The following ERCC6 variants were observed in gnomAD, a reference collection of about 807,000 sequenced individuals.
The protein encoded by ERCC6 is ERCC excision repair 6, chromatin remodeling factor, also known as DNA excision repair protein ERCC-6.
In ERCC6, 116 loss-of-function variants were observed where a neutral mutation model predicts 158.7. That is an observed-to-expected ratio of 0.73 (90% CI 0.63 to 0.85). The LOEUF (loss-of-function observed/expected upper bound fraction) is 0.85. ERCC6 is among the 40% of genes least tolerant of loss of function. The pLI is 0.00. For synonymous variants in ERCC6, 678 were observed against 659.3 expected (o/e 1.03, Z -0.43); for missense variants, 1,698 against 1,799.4 (o/e 0.94, Z 1.02).
At position 49,511,370 on chromosome 10, in the gene ERCC6, T is replaced by C. The variant is rs1396835143; in HGVS notation, c.1398-5358A>G. 5.9e-5 allele frequency among the ~76,000 whole-genome samples: 9 copies of C among 152,152 alleles called. No individual in the cohort carries two copies. In the East Asian group the frequency reaches 1.2e-3, roughly 20 times the overall value. ...TTCATTTTTTTCTTTAATCTATACA[T>C]GTAAAAGTCACAGCTGCACCCAAAT... is the stretch of plus-strand genomic sequence containing the variant. On this transcript the variant is annotated intron_variant, in intron 5 of 20. Transcript: ENST00000355832.
At position 49,454,830 on chromosome 10, in the gene ERCC6, A is replaced by T. The variant is rs1742301698; in HGVS notation, c.*3985T>A. 6.6e-6 allele frequency among the ~76,000 whole-genome samples: 1 copy of T among 152,214 alleles called. No homozygotes were observed. The highest frequency in any genetic ancestry group is 2.1e-4 in the South Asian group (1 of 4,834). ...GATAAAAACAGTGGGTTACTAAGCA[A>T]AGTTAGATAAATGGACCAATTTAAC... On this transcript the variant is annotated 3_prime_UTR_variant, in exon 21 of 21. Coordinates refer to ENST00000355832, the MANE Select transcript of ERCC6 (RefSeq NM_000124.4).
In ERCC6 at chr10:49,474,023, T is replaced by C; in HGVS notation, c.2598+4A>G. On this transcript the variant is annotated splice_donor_region_variant and intron_variant, in intron 13 of 20. Coordinates refer to ENST00000355832, the MANE Select transcript of ERCC6 (RefSeq NM_000124.4). ...TGTTTCCCGTCTGAAGTCTGTGCAC[T>C]CACCTGCCTTGACTGAGAAAACAGC... The C allele has an allele frequency of 6.2e-7, 1 of 1,613,586 alleles. No homozygotes were observed. The highest frequency in any genetic ancestry group is 8.5e-7 in the Non-Finnish European group (1 of 1,179,724).
Position 49,458,473 on chromosome 10 carries a change from G to C in ERCC6, c.*342C>G. 3.6e-6 allele frequency: 1 copy of C among 280,758 alleles called. No individual in the cohort carries two copies. Among genetic ancestry groups the C allele is most frequent in the South Asian group, 4.3e-5 (1 of 23,320 alleles). The allele number at this position is 280,758 out of a possible 1,614,324, so 17.4% of individuals were successfully genotyped here. On this transcript the variant is annotated 3_prime_UTR_variant, in exon 21 of 21. Coordinates refer to ENST00000355832, the MANE Select transcript of ERCC6 (RefSeq NM_000124.4). Reference sequence around the variant, plus strand: ...AATAAAAAAAAATATTGAGATTTCTGTTCTGCAAACTTCTAACTGTGCTCC... The same window carrying C: ...AATAAAAAAAAATATTGAGATTTCTCTTCTGCAAACTTCTAACTGTGCTCC...
At chr10:49,450,649 TTTA>T (rs1222669387), downstream of ERCC6, among the ~76,000 whole-genome samples, 1 of 152,008 alleles carries the variant, frequency 6.6e-6, no homozygotes, top group Non-Finnish European at 1.5e-5. Context: ...TGTTTTTCCA[TTTA>T]TTTAGGTCTT....
At chr10:49,511,384 C>A (rs1836813430) in intron 5 of ERCC6, among the ~76,000 whole-genome samples, 1 of 151,532 alleles carries the variant, frequency 6.6e-6, no homozygotes, top group South Asian at 2.1e-4. Context: ...AAAGTCACAG[C>A]TGCACCCAAA....
downstream of ERCC6, among the ~76,000 whole-genome samples, chr10:49,452,578 G>T (rs946391846): frequency 2.0e-5 from 3 of 152,076 alleles, no homozygotes; most frequent in African/African-American, 7.2e-5. Context: ...GTGTTCTATA[G>T]ATGTCTGTTA....
chr10:49,524,225 T>C lies in ERCC6; in HGVS notation c.1205A>G (p.Tyr402Cys), dbSNP rs1366779161. ...EADLSGDGTD[Y>C]ELKPLPKGGK... ...GCCCTTGGGCAGAGGCTTCAGCTCATAGTCAGTACCATCTCCAGACAGGTC... is the reference window on the plus strand; with the variant it reads ...GCCCTTGGGCAGAGGCTTCAGCTCACAGTCAGTACCATCTCCAGACAGGTC... Residue 402 changes from tyrosine to cysteine, a missense_variant, in exon 5 of 21, where the codon TAT (tyrosine) becomes TGT (cysteine). Physicochemically the swap from Tyr to Cys is radical, Grantham distance 194. Transcript: ENST00000355832. The C allele has an allele frequency of 4.3e-6, 7 of 1,614,050 alleles. No individual in the cohort carries two copies. The highest frequency in any genetic ancestry group is 5.9e-6 in the Non-Finnish European group (7 of 1,180,024).
At chr10:49,529,263 G>A (rs1837413662) in intron 3 of ERCC6, among the ~76,000 whole-genome samples, 2 of 152,202 alleles carry the variant, frequency 1.3e-5, no homozygotes, top group African/African-American at 4.8e-5. Flanking sequence ...GAACATAAAT[G>A]CCACACTGCA....
rs1014058879 is a variant in ERCC6 at position 49,460,466 on chromosome 10, G to C, written c.3984-15C>G. On this transcript the variant is annotated splice_polypyrimidine_tract_variant and intron_variant, in intron 19 of 20. Transcript: ENST00000355832. Reference sequence around the variant, plus strand: ...CAAATCTACTCCTAAAAAAGGAAAAGCATCACAGTAGATTAAATGTTTGCT... The same window carrying C: ...CAAATCTACTCCTAAAAAAGGAAAACCATCACAGTAGATTAAATGTTTGCT... The C allele has an allele frequency of 5.2e-6, 8 of 1,551,882 alleles. No individual in the cohort carries two copies. In the Admixed American group the frequency reaches 1.0e-4, roughly 19 times the overall value.
chr10:49,500,870 A>G (rs1285145893), intron 6 of ERCC6, 174 bp from the exon 7 acceptor site: 1 of 675,890 alleles, frequency 1.5e-6, no homozygotes, highest in Non-Finnish European at 2.5e-6. Context: ...TACATTTTTG[A>G]TCACCTAGGC....
In ERCC6 at chr10:49,456,559, A is replaced by G. The variant is rs758810393; in HGVS notation, c.*2256T>C. On this transcript the variant is annotated 3_prime_UTR_variant, in exon 21 of 21. Transcript: ENST00000355832. ...GAATACACACCAAACCTAGGGCTGT[A>G]CTTAGCTGTGGAACAGGTGCAAGAT... 1 of 152,236 alleles carries G rather than the reference A, an allele frequency of 6.6e-6. No homozygotes were observed. Among genetic ancestry groups the G allele is most frequent in the Non-Finnish European group, 1.5e-5 (1 of 68,032 alleles). The allele number at this position is 152,236 out of a possible 1,614,324, so 9.4% of individuals were successfully genotyped here.
At chr10:49,468,176 T>C (rs1166883188) in intron 18 of ERCC6, among the ~76,000 whole-genome samples, 1 of 152,238 alleles carries the variant, frequency 6.6e-6, no homozygotes, top group Non-Finnish European at 1.5e-5. Context: ...TCTTGCACAA[T>C]GTGCTGGTCA....
At chr10:49,531,894 G>A (rs773346976) in intron 2 of ERCC6, among the ~76,000 whole-genome samples, 26 of 152,112 alleles carry the variant, frequency 1.7e-4, no homozygotes, top group Non-Finnish European at 2.8e-4. Context: ...AATGATAAGT[G>A]AGCTCAACCC....
chr10:49,490,878 A>T (rs1851163456), intron 8 of ERCC6, among the ~76,000 whole-genome samples: 1 of 152,252 alleles, frequency 6.6e-6, no homozygotes. Context: ...CAGAAAGCTC[A>T]TCCACTGTAA....
chr10:49,463,987 T>C (rs1850627963), intron 18 of ERCC6, among the ~76,000 whole-genome samples: 1 of 152,166 alleles, frequency 6.6e-6, no homozygotes, highest in Non-Finnish European at 1.5e-5. Flanking sequence ...GGTGCGCTCC[T>C]GAAAAGATAT....
chr10:49,526,632 G>C (rs927539857), intron 4 of ERCC6, among the ~76,000 whole-genome samples: 1 of 152,076 alleles, frequency 6.6e-6, no homozygotes, highest in African/African-American at 2.4e-5. Context: ...TTAAGCCTTA[G>C]GTCTTTACAC....
chr10:49,494,000 G>A (rs1851222749), intron 7 of ERCC6, among the ~76,000 whole-genome samples: 1 of 152,198 alleles, frequency 6.6e-6, no homozygotes, highest in Non-Finnish European at 1.5e-5. Flanking sequence ...CATTGACCCA[G>A]CAATCCCAAT....
chr10:49,469,356 C>T (rs1240330051), intron 18 of ERCC6, among the ~76,000 whole-genome samples: 1 of 152,142 alleles, frequency 6.6e-6, no homozygotes, highest in East Asian at 1.9e-4. Context: ...TACGGTATCA[C>T]CTCTGTGGCA....
chr10:49,478,249 G>T (rs1590413078), intron 11 of ERCC6, 105 bp downstream of exon 11: 1 of 894,638 alleles, frequency 1.1e-6, no homozygotes, highest in Non-Finnish European at 1.9e-6. Flanking sequence ...CACAGTTCCA[G>T]GATCATACCT....
Sources: allele counts gnomAD v4.1 joint callset (sites outside exome capture counted in the v4.1 genomes callset), GRCh38; gene constraint gnomAD v4.1.1; transcripts MANE v1.5; gene names NCBI Gene and HGNC (gene_info 2026-07-23, HGNC 2026-07-21).